The following RPF2 variants were observed in gnomAD, a reference collection of about 807,000 sequenced individuals.
The protein encoded by RPF2 is ribosome production factor 2 homolog.
A neutral mutation model predicts 38.9 loss-of-function variants in RPF2; 21 were observed. That is an observed-to-expected ratio of 0.54 (90% confidence interval 0.38 to 0.78). RPF2 has a LOEUF of 0.78. Among genes scored for constraint, RPF2 ranks in the 30% least tolerant of loss-of-function variants. The probability of loss-of-function intolerance (pLI) is 0.00; values close to 1 mark genes in which losing one functional copy is unlikely to be tolerated. For missense variants in RPF2, 314 were observed against 358.1 expected (o/e 0.88, Z 0.99); for synonymous variants, 121 against 126.2 (o/e 0.96, Z 0.28).
At chr6:111,002,899 G>T (rs1298889402) in intron 6 of RPF2, among the ~76,000 whole-genome samples, 2 of 151,868 alleles carry the variant, frequency 1.3e-5, no homozygotes, top group Middle Eastern at 3.2e-3. Flanking sequence ...CTCCCGAGTA[G>T]CCGGGATTAC....
chr6:110,983,009 T>G (rs991503583), intron 1 of RPF2, among the ~76,000 whole-genome samples: 1 of 152,240 alleles, frequency 6.6e-6, no homozygotes, highest in African/African-American at 2.4e-5. Flanking sequence ...ATCAGAAGCT[T>G]TATATGTGAC....
chr6:110,984,896 GGAACCCTAAGT>G, intron 1 of RPF2, 99 bp from the exon 2 acceptor site: 1 of 1,176,046 alleles, frequency 8.5e-7, no homozygotes. Flanking sequence ...TTTTAAGGGT[GGAACCCTAAGT>G]GACAAATATG....
At position 111,027,214 on chromosome 6, in the gene RPF2, T is replaced by TC. The variant is rs1401116648; in HGVS notation, c.*1634dup. ...CCTTTCCCTTCTCTTTTGAATCCATTCCTTAGCTTTCCCTAGTCCTCTCCG... is the reference window on the plus strand; with the variant it reads ...CCTTTCCCTTCTCTTTTGAATCCATTCCCTTAGCTTTCCCTAGTCCTCTCCG... On this transcript the variant is annotated 3_prime_UTR_variant, in exon 10 of 10. Coordinates refer to ENST00000441448, the MANE Select transcript of RPF2 (RefSeq NM_032194.3). 6.6e-6 allele frequency: 1 copy of TC among 152,198 alleles called. No homozygotes were observed. Among genetic ancestry groups the TC allele is most frequent in the Admixed American group, 6.5e-5 (1 of 15,272 alleles). 9.4% of individuals were successfully genotyped at this position (152,198 alleles called of 1,614,324 possible).
At chr6:111,024,731 T>C (rs1455003259) in intron 9 of RPF2, among the ~76,000 whole-genome samples, 3 of 140,556 alleles carry the variant, frequency 2.1e-5, no homozygotes, top group Non-Finnish European at 4.6e-5. Flanking sequence ...GACAAGGACA[T>C]ATATAAAGAG....
At chr6:111,010,871 A>C (rs9372291) in intron 7 of RPF2, among the ~76,000 whole-genome samples, 19,632 of 152,134 alleles carry the variant, frequency 0.13, 1,753 homozygotes, top group East Asian at 0.5. Flanking sequence ...AAAAAAAAAC[A>C]CGTCACCCAT....
In RPF2 at chr6:111,013,535, T is replaced by G. The variant is rs547165085; in HGVS notation, c.494-2219T>G. 2.0e-5 allele frequency among the ~76,000 whole-genome samples: 3 copies of G among 152,354 alleles called. No individual in the cohort carries two copies. The South Asian group carries it at 6.2e-4, about 32-fold the overall frequency. On this transcript the variant is annotated intron_variant, in intron 7 of 9. Coordinates refer to ENST00000441448, the MANE Select transcript of RPF2 (RefSeq NM_032194.3). ...TATTGGATACAGACTGAAAATCCTTTTATATTCATAGTCTTAGAAATTTTG... is the reference window on the plus strand; with the variant it reads ...TATTGGATACAGACTGAAAATCCTTGTATATTCATAGTCTTAGAAATTTTG...
At chr6:111,019,917 C>CTTT (rs763096502) in intron 8 of RPF2, among the ~76,000 whole-genome samples, 7,326 of 148,708 alleles carry the variant, frequency 0.049, 596 homozygotes, top group African/African-American at 0.16. Flanking sequence ...TCTTTTCTTT[C>CTTT]TTTTGTTTTT....
rs376778370 is a variant in RPF2 at position 110,991,762 on chromosome 6, A to G, written c.210A>G (p.Arg70=). The G allele has an allele frequency of 5.6e-5, 69 of 1,233,732 alleles. No homozygotes were observed. Among genetic ancestry groups the G allele is most frequent in the Non-Finnish European group, 6.9e-5 (61 of 882,448 alleles). 76.4% of individuals were successfully genotyped at this position (1,233,732 alleles called of 1,614,324 possible). The part of the protein sequence containing the change: ...GVLYKKKNIT[R]PFEDQTSLEF... Reference sequence around the variant, plus strand: ...ATATTCTTAGGAAAAATATTACAAGACCTTTTGAGGATCAGACATCACTGG... The same window carrying G: ...ATATTCTTAGGAAAAATATTACAAGGCCTTTTGAGGATCAGACATCACTGG... Residue 70 remains arginine (R), a synonymous_variant, in exon 4 of 10, where the codon AGA becomes AGG. Coordinates refer to ENST00000441448, the MANE Select transcript of RPF2 (RefSeq NM_032194.3).
rs1220543401 is a variant in RPF2 at position 111,025,009 on chromosome 6, A to G, written c.742-394A>G. Among the ~76,000 whole-genome samples the G allele has an allele frequency of 2.0e-5, 3 of 152,238 alleles. No individual in the cohort carries two copies. The East Asian group carries it at 5.8e-4, about 29-fold the overall frequency. On this transcript the variant is annotated intron_variant, in intron 9 of 9. Coordinates refer to ENST00000441448, the MANE Select transcript of RPF2 (RefSeq NM_032194.3). ...ACTTTTTAAGTAGTTTTAAAAGACAAGAAGAAATGTAATCTCTAAAATGCC... is the reference window on the plus strand; with the variant it reads ...ACTTTTTAAGTAGTTTTAAAAGACAGGAAGAAATGTAATCTCTAAAATGCC...
At chr6:110,997,467 C>T (rs889754493) in intron 5 of RPF2, among the ~76,000 whole-genome samples, 1 of 152,084 alleles carries the variant, frequency 6.6e-6, no homozygotes, top group African/African-American at 2.4e-5. Context: ...AGGGGCCTGG[C>T]ATGGTGGTTC....
At chr6:110,985,545 A>T (rs767898095) in intron 2 of RPF2, among the ~76,000 whole-genome samples, 20 of 152,176 alleles carry the variant, frequency 1.3e-4, no homozygotes, top group Non-Finnish European at 2.8e-4. Context: ...AATAGGTGAG[A>T]CACAGTTCTT....
At chr6:111,003,873 C>T (rs1233782587) in intron 6 of RPF2, among the ~76,000 whole-genome samples, 9 of 152,040 alleles carry the variant, frequency 5.9e-5, no homozygotes, top group Admixed American at 5.2e-4. Flanking sequence ...AGTGCAATGG[C>T]GTGATCTCGG....
At chr6:111,008,005 A>G in intron 6 of RPF2, 33 bp from the exon 7 acceptor site, 1 of 1,519,936 alleles carries the variant, frequency 6.6e-7, no homozygotes, top group Non-Finnish European at 8.8e-7. Flanking sequence ...AGACTTTGGT[A>G]ATTATATAAT....
At chr6:110,982,267 G>T in intron 1 of RPF2, 138 bp downstream of exon 1, 1 of 960,964 alleles carries the variant, frequency 1.0e-6, no homozygotes, top group South Asian at 1.4e-5. Context: ...CACCAGCCCG[G>T]GTCCTCCTCA....
At chr6:110,989,687 A>G (rs975729903) in intron 3 of RPF2, among the ~76,000 whole-genome samples, 21 of 147,040 alleles carry the variant, frequency 1.4e-4, no homozygotes, top group Admixed American at 2.1e-4. Context: ...GTGCAGTGGC[A>G]TGATCTCGCC....
chr6:111,019,882 A>G (rs1772198825), intron 8 of RPF2, among the ~76,000 whole-genome samples: 1 of 152,210 alleles, frequency 6.6e-6, no homozygotes. Context: ...AAACTCTGAA[A>G]AAAACCAGAA....
intron 6 of RPF2, among the ~76,000 whole-genome samples, chr6:111,006,114 A>AT (rs1184645794): frequency 6.7e-6 from 1 of 150,252 alleles, no homozygotes; most frequent in Non-Finnish European, 1.5e-5. Flanking sequence ...CCTGTTTTGT[A>AT]TTTTTTTGTA....
At position 111,025,669 on chromosome 6, in the gene RPF2, CTTA is replaced by C. The variant is rs1772316311; in HGVS notation, c.*92_*94del. 3 of 911,304 alleles carry C rather than the reference CTTA, an allele frequency of 3.3e-6. No individual in the cohort carries two copies. Among genetic ancestry groups the C allele is most frequent in the Admixed American group, 5.9e-5 (2 of 34,106 alleles). The allele number at this position is 911,304 out of a possible 1,614,324, so 56.5% of individuals were successfully genotyped here. A position where few individuals can be genotyped will look rare whatever the true frequency, so the allele number is the denominator to read the frequency against. Reference sequence around the variant, plus strand: ...ATCCATTCAGAGTTTCTTATAAGATCTTATTATATATTTTTATAACATGATAAT... The same window carrying C: ...ATCCATTCAGAGTTTCTTATAAGATCTTATATATTTTTATAACATGATAAT... On this transcript the variant is annotated 3_prime_UTR_variant, in exon 10 of 10. Coordinates refer to ENST00000441448, the MANE Select transcript of RPF2 (RefSeq NM_032194.3).
At position 111,018,039 on chromosome 6, in the gene RPF2, C is replaced by T. The variant is rs557128835; in HGVS notation, c.596+2183C>T. 4.6e-5 allele frequency among the ~76,000 whole-genome samples: 7 copies of T among 152,218 alleles called. No homozygotes were observed. In the South Asian group the frequency reaches 1.5e-3, roughly 32 times the overall value. On this transcript the variant is annotated intron_variant, in intron 8 of 9. Coordinates refer to ENST00000441448, the MANE Select transcript of RPF2 (RefSeq NM_032194.3). ...CAGCCTGGCCAACACAGTGAAACCC[C>T]GTCCCCACCAAAAAAATACGAAAAC...
Sources: gnomAD v4.1 joint callset for allele counts (sites outside exome capture counted in the v4.1 genomes callset) on GRCh38, gnomAD v4.1.1 for gene constraint, MANE v1.5 for transcripts, NCBI Gene and HGNC (gene_info 2026-07-23, HGNC 2026-07-21) for gene names.